CFAP299: variants seen among roughly 807,000 people sequenced by gnomAD.
CFAP299 encodes the protein cilia- and flagella-associated protein 299.
Under a neutral mutation model 27.0 loss-of-function variants are expected in CFAP299, and 21 were observed. That is an observed-to-expected ratio of 0.78 (90% CI 0.55 to 1.12). The LOEUF (loss-of-function observed/expected upper bound fraction) is 1.12, where lower values mean the gene tolerates loss of function less well. Ranked by LOEUF, CFAP299 falls within the 50% of genes most tolerant of loss-of-function variation. CFAP299 has a pLI of 0.00. For synonymous variants in CFAP299, 104 were observed against 98.1 expected (o/e 1.06, Z -0.36); for missense variants, 310 against 276.6 (o/e 1.12, Z -0.86).
At chr4:80,671,186 C>T (rs1271833253) in intron 3 of CFAP299, among the ~76,000 whole-genome samples, 1 of 152,130 alleles carries the variant, frequency 6.6e-6, no homozygotes, top group South Asian at 2.1e-4. Flanking sequence ...AGGAAAGGAT[C>T]CAGTTTCATC....
At chr4:80,374,400 G>A (rs1724302157) in intron 2 of CFAP299, among the ~76,000 whole-genome samples, 2 of 152,100 alleles carry the variant, frequency 1.3e-5, no homozygotes, top group African/African-American at 4.8e-5. Context: ...GGGAACTGGG[G>A]ATATCTCCTG....
At chr4:80,448,903 A>T (rs899688594) in intron 2 of CFAP299, among the ~76,000 whole-genome samples, 1 of 152,218 alleles carries the variant, frequency 6.6e-6, no homozygotes, top group Non-Finnish European at 1.5e-5. Context: ...TGAGGTAGTT[A>T]TAGATCTTGG....
At chr4:80,590,355 T>C (rs1202735130) in intron 3 of CFAP299, among the ~76,000 whole-genome samples, 1 of 152,156 alleles carries the variant, frequency 6.6e-6, no homozygotes, top group African/African-American at 2.4e-5. Context: ...GAACACAGAA[T>C]GAGCTGGGCA....
At chr4:80,362,675 C>T (rs1723611004) in intron 1 of CFAP299, 79 bp from the exon 2 acceptor site, 2 of 1,413,894 alleles carry the variant, frequency 1.4e-6, no homozygotes, top group African/African-American at 1.4e-5. Flanking sequence ...GTATACATTG[C>T]AGATGTAAGA....
At chr4:80,813,405 A>ATAT (rs950996963) in intron 3 of CFAP299, among the ~76,000 whole-genome samples, 5 of 151,998 alleles carry the variant, frequency 3.3e-5, no homozygotes, top group African/African-American at 1.2e-4. Context: ...TCTTAAAACT[A>ATAT]TATTAGATTA....
intron 1 of CFAP299, among the ~76,000 whole-genome samples, chr4:80,343,067 A>G (rs1722532775): frequency 1.3e-5 from 2 of 152,234 alleles, no homozygotes; most frequent in African/African-American, 2.4e-5. Flanking sequence ...CAAAGATTTA[A>G]AAAGACAAAG....
intron 1 of CFAP299, among the ~76,000 whole-genome samples, chr4:80,352,886 A>G (rs1190660699): frequency 6.6e-6 from 1 of 152,148 alleles, no homozygotes; most frequent in African/African-American, 2.4e-5. Context: ...AAAACAAAAT[A>G]TATAAATGTT....
chr4:80,469,113 C>CCTT (rs1482044441), intron 2 of CFAP299, among the ~76,000 whole-genome samples: 1 of 152,112 alleles, frequency 6.6e-6, no homozygotes, highest in Non-Finnish European at 1.5e-5. Context: ...AATATGTGGT[C>CCTT]CTTAATCAGC....
intron 3 of CFAP299, among the ~76,000 whole-genome samples, chr4:80,841,950 C>G (rs1291047156): frequency 6.6e-6 from 1 of 152,094 alleles, no homozygotes; most frequent in Non-Finnish European, 1.5e-5. Context: ...CAAGAGGAAA[C>G]AGCCTAATCC....
At chr4:80,689,519 C>T (rs2110014247) in intron 3 of CFAP299, among the ~76,000 whole-genome samples, 1 of 152,262 alleles carries the variant, frequency 6.6e-6, no homozygotes, top group East Asian at 1.9e-4. Flanking sequence ...ACCAGGCCTG[C>T]CCTACAAGAG....
intron 2 of CFAP299, among the ~76,000 whole-genome samples, chr4:80,506,009 T>C (rs1420252585): frequency 4.8e-5 from 7 of 147,326 alleles, no homozygotes; most frequent in Non-Finnish European, 9.0e-5. Flanking sequence ...TGTAAATATA[T>C]ATAAATATAT....
intron 3 of CFAP299, among the ~76,000 whole-genome samples, chr4:80,607,464 G>A (rs1240003938): frequency 6.6e-6 from 1 of 151,890 alleles, no homozygotes. Flanking sequence ...CCATGAGAGA[G>A]AGAAAGTAAG....
At chr4:80,894,625 G>A (rs1283554215) in intron 4 of CFAP299, among the ~76,000 whole-genome samples, 3 of 151,816 alleles carry the variant, frequency 2.0e-5, no homozygotes, top group Non-Finnish European at 1.5e-5. Flanking sequence ...GAAAAATATT[G>A]TGGAGATTCC....
intron 2 of CFAP299, among the ~76,000 whole-genome samples, chr4:80,442,582 T>C (rs1252119381): frequency 1.3e-5 from 2 of 152,024 alleles, no homozygotes; most frequent in Non-Finnish European, 2.9e-5. Context: ...TTTATAGTAC[T>C]AAATGCCCAC....
At chr4:80,706,422 G>GT (rs763362155) in intron 3 of CFAP299, among the ~76,000 whole-genome samples, 1 of 151,658 alleles carries the variant, frequency 6.6e-6, no homozygotes, top group Non-Finnish European at 1.5e-5. Context: ...CAAAGGAATG[G>GT]TTTTTTGGGG....
chr4:80,535,027 T>C (rs1045933925), intron 2 of CFAP299, among the ~76,000 whole-genome samples: 2 of 152,144 alleles, frequency 1.3e-5, no homozygotes, highest in African/African-American at 4.8e-5. Context: ...AAGAGAACTG[T>C]CATTTCACCC....
chr4:80,860,105 C>T (rs1198868160), intron 3 of CFAP299, among the ~76,000 whole-genome samples: 6 of 152,084 alleles, frequency 3.9e-5, no homozygotes, highest in Admixed American at 6.5e-5. Context: ...AGGCTTTGTT[C>T]GTTTCTTTTT....
At chr4:80,482,928 A>G (rs1730637189) in intron 2 of CFAP299, among the ~76,000 whole-genome samples, 2 of 152,220 alleles carry the variant, frequency 1.3e-5, no homozygotes, top group Admixed American at 1.3e-4. Context: ...GATGTGGTAG[A>G]CAGAACAATA....
chr4:80,828,872 C>T (rs1730138544), intron 3 of CFAP299, among the ~76,000 whole-genome samples: 1 of 151,996 alleles, frequency 6.6e-6, no homozygotes, highest in Admixed American at 6.6e-5. Flanking sequence ...GTTGGGAAAA[C>T]TCAGTATCTG....
Sources: gnomAD v4.1 joint callset for allele counts (sites outside exome capture counted in the v4.1 genomes callset) on GRCh38, gnomAD v4.1.1 for gene constraint, MANE v1.5 for transcripts, NCBI Gene and HGNC (gene_info 2026-07-23, HGNC 2026-07-21) for gene names.